The following VEPH1 variants were observed in gnomAD, a reference collection of about 807,000 sequenced individuals.
The protein encoded by VEPH1 is ventricular zone-expressed PH domain-containing protein homolog 1.
VEPH1 carries 80 observed loss-of-function variants against 85.2 expected under a neutral mutation model. The observed-to-expected ratio is 0.94, with a 90% confidence interval of 0.78 to 1.13. The LOEUF is 1.13. Among genes scored for constraint, VEPH1 ranks in the 50% most tolerant of loss-of-function variants. The probability of loss-of-function intolerance (pLI) is 0.00; values close to 1 mark genes in which losing one functional copy is unlikely to be tolerated. For missense variants in VEPH1, 955 were observed against 980.5 expected (o/e 0.97, Z 0.35); for synonymous variants, 297 against 348.0 (o/e 0.85, Z 1.63).
intron 6 of VEPH1, among the ~76,000 whole-genome samples, chr3:157,402,491 T>G (rs1213673444): frequency 6.6e-6 from 1 of 151,860 alleles, no homozygotes; most frequent in Non-Finnish European, 1.5e-5. Context: ...TAGACAGGAG[T>G]AGGAGTTTAG....
In VEPH1 at chr3:157,437,716, A is replaced by G. The variant is rs1025792048; in HGVS notation, c.530-9228T>C. 6.5e-7 allele frequency: 1 copy of G among 1,530,490 alleles called. No individual in the cohort carries two copies. The highest frequency in any genetic ancestry group is 8.7e-7 in the Non-Finnish European group (1 of 1,144,048). 94.8% of individuals were successfully genotyped at this position (1,530,490 alleles called of 1,614,324 possible). ...CGCGCCGGGGGCTCCCGCAGAGGCC[A>G]GGCTGACCAGTGCTCTGGACGAGCT... On this transcript the variant is annotated intron_variant, in intron 4 of 13. Coordinates refer to ENST00000362010, the MANE Select transcript of VEPH1 (RefSeq NM_001167912.2).
At chr3:157,421,559 T>C (rs1732340539) in intron 5 of VEPH1, among the ~76,000 whole-genome samples, 1 of 152,208 alleles carries the variant, frequency 6.6e-6, no homozygotes, top group Admixed American at 6.5e-5. Flanking sequence ...TCGCCACTTA[T>C]TTCCCTTCTC....
rs767250191 is a variant in VEPH1 at position 157,317,081 on chromosome 3, A to T, written c.1856T>A (p.Ile619Asn). 3.7e-6 allele frequency: 6 copies of T among 1,613,162 alleles called. No homozygotes were observed. The African/African-American group carries it at 6.7e-5, about 18-fold the overall frequency. Residue 619 changes from isoleucine (I) to asparagine (N), a missense_variant, in exon 10 of 14, where the codon ATC (isoleucine) becomes AAC (asparagine). Physicochemically the swap from Ile to Asn is moderately radical, Grantham distance 149. Transcript: ENST00000362010. The part of the protein sequence containing the change: ...ISQEPQPWIQ[I>N]MFLFQQSLFP... ...ACAAACCTGCTGAAATAGAAACATG[A>T]TCTGGATCCATGGCTGAGGTTCTTG...
intron 7 of VEPH1, among the ~76,000 whole-genome samples, chr3:157,366,387 C>G (rs1185921809): frequency 6.6e-6 from 1 of 151,644 alleles, no homozygotes; most frequent in Non-Finnish European, 1.5e-5. Context: ...GGCATAATAC[C>G]TGAATGAGAG....
intron 5 of VEPH1, among the ~76,000 whole-genome samples, chr3:157,424,551 T>C (rs1732610568): frequency 6.6e-6 from 1 of 152,198 alleles, no homozygotes; most frequent in Non-Finnish European, 1.5e-5. Flanking sequence ...ACCAAAACCC[T>C]GATAGGGATA....
intron 12 of VEPH1, among the ~76,000 whole-genome samples, chr3:157,273,280 G>T (rs1456857649): frequency 6.6e-6 from 1 of 152,156 alleles, no homozygotes; most frequent in Non-Finnish European, 1.5e-5. Flanking sequence ...CAGGTAAAGG[G>T]GATATAAACA....
At chr3:157,438,037 G>GCGCGCA (rs1553786688) in intron 4 of VEPH1, 77 of 516,072 alleles carry the variant, frequency 1.5e-4, no homozygotes, top group Middle Eastern at 5.1e-4. Context: ...GCGCGCGCGC[G>GCGCGCA]CACACACACA....
At chr3:157,274,889 C>T (rs1311116841) in intron 12 of VEPH1, among the ~76,000 whole-genome samples, 1 of 152,138 alleles carries the variant, frequency 6.6e-6, no homozygotes, top group Non-Finnish European at 1.5e-5. Context: ...TGTAAACTTC[C>T]ATTTACAAGA....
intron 6 of VEPH1, among the ~76,000 whole-genome samples, chr3:157,387,816 G>A (rs960479832): frequency 2.6e-5 from 4 of 152,114 alleles, no homozygotes; most frequent in Non-Finnish European, 1.5e-5. Context: ...TATTGAAATG[G>A]GTGGAGCTCA....
intron 5 of VEPH1, among the ~76,000 whole-genome samples, chr3:157,415,722 C>A (rs1731866779): frequency 6.6e-6 from 1 of 152,172 alleles, no homozygotes; most frequent in South Asian, 2.1e-4. Flanking sequence ...CACTACACAT[C>A]ACACATCAAT....
At chr3:157,369,192 A>AAAAAAAAAAAAAAAAAAAAAAAAAAC (rs1553773117) in intron 7 of VEPH1, among the ~76,000 whole-genome samples, 4 of 142,782 alleles carry the variant, frequency 2.8e-5, no homozygotes, top group South Asian at 2.4e-4. Flanking sequence ...AAAAAAAAAA[A>AAAAAAAAAAAAAAAAAAAAAAAAAAC]AAAAAAAAAA....
At chr3:157,477,532 T>C (rs1737598254) in intron 2 of VEPH1, among the ~76,000 whole-genome samples, 1 of 152,080 alleles carries the variant, frequency 6.6e-6, no homozygotes, top group African/African-American at 2.4e-5. Flanking sequence ...TGCATACCAA[T>C]TGCAGCCTTG....
intron 12 of VEPH1, among the ~76,000 whole-genome samples, chr3:157,277,171 G>A (rs939787042): frequency 6.6e-6 from 1 of 152,196 alleles, no homozygotes; most frequent in Non-Finnish European, 1.5e-5. Flanking sequence ...GATTACAGAT[G>A]TGAGCCCCTG....
intron 4 of VEPH1, among the ~76,000 whole-genome samples, chr3:157,439,119 T>C (rs563024373): frequency 6.6e-6 from 1 of 152,310 alleles, no homozygotes; most frequent in East Asian, 1.9e-4. Flanking sequence ...TAAAATCAAA[T>C]GTACACTAGA....
intron 11 of VEPH1, among the ~76,000 whole-genome samples, chr3:157,294,937 T>C (rs1037717718): frequency 4.6e-5 from 7 of 152,134 alleles, no homozygotes; most frequent in African/African-American, 1.4e-4. Flanking sequence ...CTGGAGACAT[T>C]AGTCTTCCCT....
intron 7 of VEPH1, among the ~76,000 whole-genome samples, chr3:157,374,234 C>CT (rs894572343): frequency 1.3e-5 from 2 of 152,136 alleles, no homozygotes; most frequent in African/African-American, 4.8e-5. Flanking sequence ...TTATGATTTT[C>CT]TTTTTACACA....
At chr3:157,305,824 T>G (rs1053776386) in intron 11 of VEPH1, among the ~76,000 whole-genome samples, 1 of 152,242 alleles carries the variant, frequency 6.6e-6, no homozygotes, top group African/African-American at 2.4e-5. Flanking sequence ...TGCCTACTAA[T>G]AAGGCTGAAT....
intron 2 of VEPH1, among the ~76,000 whole-genome samples, chr3:157,474,994 T>G (rs71312212): frequency 5.3e-5 from 8 of 149,830 alleles, no homozygotes; most frequent in Non-Finnish European, 1.0e-4. Flanking sequence ...TTAATTTTTG[T>G]TTTTTTTTCA....
At chr3:157,303,573 A>T (rs890357962) in intron 11 of VEPH1, among the ~76,000 whole-genome samples, 2 of 152,076 alleles carry the variant, frequency 1.3e-5, no homozygotes, top group African/African-American at 4.8e-5. Context: ...CTGTATTTCA[A>T]TTTCTACCAC....
Sources: allele counts gnomAD v4.1 joint callset (sites outside exome capture counted in the v4.1 genomes callset), GRCh38; gene constraint gnomAD v4.1.1; transcripts MANE v1.5; gene names NCBI Gene and HGNC (gene_info 2026-07-23, HGNC 2026-07-21).